PRKD1: variants seen among roughly 807,000 people sequenced by gnomAD.
PRKD1 encodes serine/threonine-protein kinase D1.
Under a neutral mutation model 95.9 loss-of-function variants are expected in PRKD1, and 63 were observed. The ratio of observed to expected loss-of-function variants is 0.66; its 90% CI spans 0.54 to 0.81. The LOEUF (loss-of-function observed/expected upper bound fraction) is 0.81. PRKD1 is among the 30% of genes least tolerant of loss of function. PRKD1 has a pLI of 0.00. For synonymous variants in PRKD1, 425 were observed against 423.1 expected (o/e 1.00, Z -0.05); for missense variants, 1,048 against 1,165.3 (o/e 0.90, Z 1.47).
chr14:29,861,148 AT>A (rs1403452117), intron 1 of PRKD1, among the ~76,000 whole-genome samples: 3 of 152,194 alleles, frequency 2.0e-5, no homozygotes, highest in Non-Finnish European at 4.4e-5. Flanking sequence ...CCAACAAACT[AT>A]GACTAGCACC....
chr14:29,599,788 C>T lies in PRKD1; in HGVS notation c.1935G>A (p.Leu645=). The T allele has an allele frequency of 4.3e-6, 7 of 1,612,342 alleles. No homozygotes were observed. The highest frequency in any genetic ancestry group is 5.9e-6 in the Non-Finnish European group (7 of 1,179,374). The change falls in exon 14 of 18, where the codon TTG becomes TTA. Residue 645 remains leucine (L), a synonymous_variant. Transcript: ENST00000331968. ...TTTCAGGCGTCTCAAACATACACTC[C>T]AAATTTACAACACCAGGGTGATGAA... The part of the protein sequence containing the change: ...QNLHHPGVVN[L]ECMFETPERV...
chr14:29,671,528 C>T (rs1317046263), intron 2 of PRKD1, among the ~76,000 whole-genome samples: 1 of 151,682 alleles, frequency 6.6e-6, no homozygotes, highest in African/African-American at 2.4e-5. Context: ...TGCTAACAGA[C>T]AAAATAGAAA....
At chr14:29,648,314 G>T (rs1295002708) in intron 4 of PRKD1, among the ~76,000 whole-genome samples, 9 of 140,994 alleles carry the variant, frequency 6.4e-5, no homozygotes, top group Non-Finnish European at 9.2e-5. Flanking sequence ...TTTTTTTTGA[G>T]TGGCTACACA....
intron 1 of PRKD1, among the ~76,000 whole-genome samples, chr14:29,839,104 T>C (rs567891117): frequency 6.6e-6 from 1 of 151,848 alleles, no homozygotes; most frequent in Non-Finnish European, 1.5e-5. Flanking sequence ...AAAAAAAAAA[T>C]TCCTCGTTTA....
At chr14:29,797,075 T>C (rs887433962) in intron 1 of PRKD1, among the ~76,000 whole-genome samples, 3 of 152,190 alleles carry the variant, frequency 2.0e-5, no homozygotes, top group Admixed American at 2.0e-4. Flanking sequence ...GAAGAAAGTA[T>C]TGTTACCTAG....
chr14:29,632,621 T>C (rs1880081312), intron 9 of PRKD1, among the ~76,000 whole-genome samples: 1 of 151,212 alleles, frequency 6.6e-6, no homozygotes, highest in Non-Finnish European at 1.5e-5. Context: ...TTCACCTCCC[T>C]CCCTCTCCCA....
intron 1 of PRKD1, among the ~76,000 whole-genome samples, chr14:29,749,365 T>C (rs556501608): frequency 1.2e-4 from 19 of 152,232 alleles, no homozygotes; most frequent in African/African-American, 4.3e-4. Flanking sequence ...GATAGAAGTT[T>C]TGTAGCCTAT....
intron 1 of PRKD1, among the ~76,000 whole-genome samples, chr14:29,761,290 G>A (rs944168723): frequency 1.3e-5 from 2 of 152,210 alleles, no homozygotes; most frequent in African/African-American, 4.8e-5. Context: ...CAACACAGTA[G>A]AGCATTGTAA....
chr14:29,641,032 A>G (rs1184510983), intron 4 of PRKD1, among the ~76,000 whole-genome samples: 1 of 152,036 alleles, frequency 6.6e-6, no homozygotes, highest in Non-Finnish European at 1.5e-5. Flanking sequence ...TATTTTTGAG[A>G]GGTTATTTCA....
Position 29,712,332 on chromosome 14 carries a change from G to A in PRKD1, c.403+13204C>T, listed in dbSNP as rs1308151440. 1.3e-5 allele frequency among the ~76,000 whole-genome samples: 2 copies of A among 151,834 alleles called. 1 individual carries two copies. Among genetic ancestry groups the A allele is most frequent in the East Asian group, 3.9e-4 (2 of 5,172 alleles). On this transcript the variant is annotated intron_variant, in intron 2 of 17. Coordinates refer to ENST00000331968, the MANE Select transcript of PRKD1 (RefSeq NM_002742.3). ...TTCTCCACACAGCTCTACATGATCA[G>A]TTTTTCTCTGGATTAACAAGTTATA...
rs145337328 is a variant in PRKD1, at chr14:29,819,954, T to C, written c.265-94280A>G. Among the ~76,000 whole-genome samples, 658 of 152,300 alleles carry C rather than the reference T, an allele frequency of 4.3e-3. 9 individuals are homozygous for C. Among genetic ancestry groups the C allele is most frequent in the African/African-American group, 0.015 (607 of 41,560 alleles). On this transcript the variant is annotated intron_variant, in intron 1 of 17. Coordinates refer to ENST00000331968, the MANE Select transcript of PRKD1 (RefSeq NM_002742.3). The stretch of plus-strand genomic sequence containing the variant: ...GTCCCTGAAGTTTGCCCTCAAGGTA[T>C]TGATATTACTTTGTAGACTGTCACA...
At chr14:29,834,801 A>G (rs896003865) in intron 1 of PRKD1, among the ~76,000 whole-genome samples, 1 of 152,054 alleles carries the variant, frequency 6.6e-6, no homozygotes, top group Non-Finnish European at 1.5e-5. Context: ...AAATACTATT[A>G]TTCCCATCTT....
chr14:29,612,315 C>G (rs1446463788), intron 13 of PRKD1, among the ~76,000 whole-genome samples: 1 of 152,100 alleles, frequency 6.6e-6, no homozygotes, highest in Non-Finnish European at 1.5e-5. Flanking sequence ...CGTGAGTGAC[C>G]TGGATACAGT....
chr14:29,800,616 A>C (rs2333629), intron 1 of PRKD1, among the ~76,000 whole-genome samples: 36,456 of 152,168 alleles, frequency 0.24, 4,717 homozygotes, highest in African/African-American at 0.32. Flanking sequence ...CCTTATGAAA[A>C]CTAAAAGTAA....
intron 4 of PRKD1, among the ~76,000 whole-genome samples, chr14:29,649,717 A>G (rs1449836706): frequency 6.6e-6 from 1 of 152,178 alleles, no homozygotes. Flanking sequence ...TAATTCATAC[A>G]GGGTTTTCAG....
chr14:29,657,894 C>CA (rs1052210893), intron 4 of PRKD1: 163 of 151,126 alleles, frequency 1.1e-3, no homozygotes, highest in African/African-American at 3.2e-3. Context: ...AACAAACAAA[C>CA]AAAAAAAAGA....
At chr14:29,892,481 A>G (rs1893973241) in intron 1 of PRKD1, among the ~76,000 whole-genome samples, 1 of 152,042 alleles carries the variant, frequency 6.6e-6, no homozygotes, top group South Asian at 2.1e-4. Flanking sequence ...CTCTTTCAGA[A>G]GTTTGTTTTG....
chr14:29,873,038 C>T (rs539255416), intron 1 of PRKD1, among the ~76,000 whole-genome samples: 17 of 152,236 alleles, frequency 1.1e-4, no homozygotes, highest in African/African-American at 4.1e-4. Context: ...TTAACAAACA[C>T]TGCTTTACAA....
At chr14:29,595,887 T>C (rs1893280427) in intron 16 of PRKD1, among the ~76,000 whole-genome samples, 1 of 152,264 alleles carries the variant, frequency 6.6e-6, no homozygotes. Context: ...AATGGTTAGC[T>C]GTATTTAGAT....
Sources: gnomAD v4.1 joint callset for allele counts (sites outside exome capture counted in the v4.1 genomes callset) on GRCh38, gnomAD v4.1.1 for gene constraint, MANE v1.5 for transcripts, NCBI Gene and HGNC (gene_info 2026-07-23, HGNC 2026-07-21) for gene names.